AGBL4: variants seen among roughly 807,000 people sequenced by gnomAD.
The protein encoded by AGBL4 is cytosolic carboxypeptidase 6.
In AGBL4, 58 loss-of-function variants were observed where a neutral mutation model predicts 66.4. The ratio of observed to expected loss-of-function variants is 0.87; its 90% CI spans 0.71 to 1.09. The LOEUF (loss-of-function observed/expected upper bound fraction) is 1.09. Ranked by LOEUF, AGBL4 falls within the 50% of genes least tolerant of loss-of-function variation. The pLI is 0.00. For synonymous variants in AGBL4, 234 were observed against 222.9 expected, an observed-to-expected ratio of 1.05 and a Z score of -0.44; for missense variants, 579 against 631.0, an observed-to-expected ratio of 0.92 and a Z score of 0.88.
intron 6 of AGBL4, among the ~76,000 whole-genome samples, chr1:48,722,931 C>T (rs1290163412): frequency 6.6e-6 from 1 of 152,182 alleles, no homozygotes; most frequent in African/African-American, 2.4e-5. Context: ...CTCACATTAT[C>T]TTACTTAACT....
chr1:49,589,175 T>C (rs763716899), intron 3 of AGBL4, among the ~76,000 whole-genome samples: 54 of 152,162 alleles, frequency 3.5e-4, no homozygotes, highest in South Asian at 1.2e-3. Flanking sequence ...GAGCACTCTT[T>C]TTTATTTAAT....
chr1:49,159,605 C>T (rs923901544), intron 4 of AGBL4, among the ~76,000 whole-genome samples: 1 of 152,114 alleles, frequency 6.6e-6, no homozygotes, highest in African/African-American at 2.4e-5. Context: ...TGAATGTTGG[C>T]CTGTCTTGCT....
At chr1:49,381,839 A>C in intron 3 of AGBL4, among the ~76,000 whole-genome samples, 1 of 119,900 alleles carries the variant, frequency 8.3e-6, no homozygotes, top group Non-Finnish European at 1.7e-5. Context: ...CACTCTGGGG[A>C]CTGTGGTGGG....
At chr1:49,007,414 A>T (rs1661950655) in intron 5 of AGBL4, among the ~76,000 whole-genome samples, 2 of 150,726 alleles carry the variant, frequency 1.3e-5, no homozygotes, top group Non-Finnish European at 3.0e-5. Context: ...GTGTACCTGA[A>T]AGTGACGGGG....
chr1:48,556,112 C>T (rs1644317652), intron 11 of AGBL4, among the ~76,000 whole-genome samples: 1 of 152,138 alleles, frequency 6.6e-6, no homozygotes, highest in South Asian at 2.1e-4. Context: ...TTAAAAGGAC[C>T]AGTTAGTGGA....
chr1:49,846,141 C>A, intron 2 of AGBL4: 1 of 1,471,790 alleles, frequency 6.8e-7, no homozygotes, highest in African/African-American at 1.4e-5. Context: ...AGGATTCATA[C>A]CAAGGAAAAG....
intron 1 of AGBL4, among the ~76,000 whole-genome samples, chr1:49,947,473 C>A (rs1655319869): frequency 6.6e-6 from 1 of 151,890 alleles, no homozygotes; most frequent in African/African-American, 2.4e-5. Context: ...GCAGCAAAAG[C>A]ATTTGACAAA....
intron 3 of AGBL4, among the ~76,000 whole-genome samples, chr1:49,601,332 ATTCT>A (rs1250016590): frequency 6.7e-6 from 1 of 149,808 alleles, no homozygotes; most frequent in African/African-American, 2.5e-5. Context: ...ATTTCTTTTC[ATTCT>A]TTTTTTTTTC....
intron 3 of AGBL4, among the ~76,000 whole-genome samples, chr1:49,649,109 C>A (rs928347247): frequency 1.3e-5 from 2 of 152,006 alleles, no homozygotes; most frequent in African/African-American, 4.8e-5. Flanking sequence ...AGATATTAAT[C>A]CAACTGTATC....
At chr1:49,546,637 T>G (rs751804782) in intron 3 of AGBL4, among the ~76,000 whole-genome samples, 1 of 152,180 alleles carries the variant, frequency 6.6e-6, no homozygotes, top group African/African-American at 2.4e-5. Context: ...TGCAGAAGTA[T>G]TCCCTGATCA....
At chr1:49,954,945 T>G (rs761124621) in intron 1 of AGBL4, among the ~76,000 whole-genome samples, 1 of 151,964 alleles carries the variant, frequency 6.6e-6, no homozygotes, top group African/African-American at 2.4e-5. Context: ...ATATTCAAAC[T>G]AATATTATTT....
intron 4 of AGBL4, among the ~76,000 whole-genome samples, chr1:49,154,687 C>G (rs1646398250): frequency 6.6e-6 from 1 of 152,136 alleles, no homozygotes; most frequent in Non-Finnish European, 1.5e-5. Context: ...CTTCCATTCT[C>G]TTCCATGTTA....
intron 11 of AGBL4, among the ~76,000 whole-genome samples, chr1:48,577,041 C>T (rs1316178030): frequency 2.0e-5 from 3 of 152,182 alleles, no homozygotes; most frequent in Non-Finnish European, 2.9e-5. Context: ...TTAAGCCCCC[C>T]TCAAATGTTC....
chr1:49,590,687 C>T (rs1644735889), intron 3 of AGBL4, among the ~76,000 whole-genome samples: 1 of 152,048 alleles, frequency 6.6e-6, no homozygotes. Context: ...CTAATATCCT[C>T]ATGAAACTTC....
chr1:48,816,682 A>C (rs1646186345), intron 6 of AGBL4, among the ~76,000 whole-genome samples: 1 of 152,200 alleles, frequency 6.6e-6, no homozygotes, highest in African/African-American at 2.4e-5. Flanking sequence ...CTTTTGTAAG[A>C]ATCTTGAAAG....
At chr1:49,547,521 C>T (rs1362255229) in intron 3 of AGBL4, among the ~76,000 whole-genome samples, 3 of 152,042 alleles carry the variant, frequency 2.0e-5, no homozygotes, top group African/African-American at 7.2e-5. Context: ...TTTAGAATTG[C>T]TTTTTCTAAT....
At chr1:49,860,768 C>CA (rs113628251) in intron 1 of AGBL4, among the ~76,000 whole-genome samples, 2,697 of 133,400 alleles carry the variant, frequency 0.02, 45 homozygotes, top group African/African-American at 0.056. Flanking sequence ...CCTTCCCCAG[C>CA]AAAAAAAAAA....
intron 2 of AGBL4, among the ~76,000 whole-genome samples, chr1:49,774,582 C>T (rs1049977144): frequency 1.3e-5 from 2 of 152,132 alleles, no homozygotes; most frequent in African/African-American, 4.8e-5. Flanking sequence ...AAGAGATATG[C>T]CTAGATATCC....
chr1:49,072,958 T>TA (rs1479204287), intron 4 of AGBL4, among the ~76,000 whole-genome samples: 2 of 152,212 alleles, frequency 1.3e-5, no homozygotes, highest in African/African-American at 2.4e-5. Context: ...CTCTTTTTTT[T>TA]ATCTAATCTT....
Sources: allele counts gnomAD v4.1 joint callset (sites outside exome capture counted in the v4.1 genomes callset), GRCh38; gene constraint gnomAD v4.1.1; transcripts MANE v1.5; gene names NCBI Gene and HGNC (gene_info 2026-07-23, HGNC 2026-07-21).